Variants in YEATS2 observed in about 807,000 individuals in gnomAD.
The protein encoded by YEATS2 is YEATS domain containing 2.
A neutral mutation model predicts 163.2 loss-of-function variants in YEATS2; 77 were observed. That is an observed-to-expected ratio of 0.47 (90% CI 0.39 to 0.57). The LOEUF (loss-of-function observed/expected upper bound fraction) is 0.57, where lower values mean the gene tolerates loss of function less well. Ranked by LOEUF, YEATS2 falls within the 20% of genes least tolerant of loss-of-function variation. The pLI is 0.00. For synonymous variants in YEATS2, 631 were observed against 645.1 expected (o/e 0.98, Z 0.33); for missense variants, 1,549 against 1,729.8 (o/e 0.90, Z 1.85).
At chr3:183,806,669 A>G in intron 27 of YEATS2, 197 bp from the exon 28 acceptor site, 3 of 596,950 alleles carry the variant, frequency 5.0e-6, no homozygotes, top group Non-Finnish European at 5.9e-6. Flanking sequence ...ATCACACACA[A>G]GATGCCTGTG....
At chr3:183,797,487 A>G (rs1171420984) in intron 21 of YEATS2, among the ~76,000 whole-genome samples, 2 of 151,858 alleles carry the variant, frequency 1.3e-5, no homozygotes, top group African/African-American at 4.8e-5. Context: ...CAAGGTTACA[A>G]TGAGCTATGA....
Position 183,761,531 on chromosome 3 carries a change from A to G in YEATS2, c.1681A>G (p.Met561Val), listed in dbSNP as rs1402054899. Residue 561 changes from methionine to valine, a missense_variant, in exon 14 of 31, where the codon ATG becomes GTG. By Grantham distance (21) the Met-to-Val change is conservative. Transcript: ENST00000305135. Reference sequence around the variant, plus strand: ...GCAGGAGGATTCTTTGTTTGCATCTATGCCACCTCTTTGCCCAATTGGGAG... The same window carrying G: ...GCAGGAGGATTCTTTGTTTGCATCTGTGCCACCTCTTTGCCCAATTGGGAG... The part of the protein sequence containing the change: ...VKQEDSLFAS[M>V]PPLCPIGSHP... The G allele has an allele frequency of 9.3e-6, 15 of 1,614,170 alleles. No individual in the cohort carries two copies. Among genetic ancestry groups the G allele is most frequent in the African/African-American group, 1.3e-5 (1 of 75,066 alleles).
chr3:183,812,552 T>C lies in YEATS2; in HGVS notation c.*1969T>C, dbSNP rs1025496358. 2 of 152,672 alleles carry C rather than the reference T, an allele frequency of 1.3e-5. No individual in the cohort carries two copies. The highest frequency in any genetic ancestry group is 2.9e-5 in the Non-Finnish European group (2 of 68,038). 9.5% of individuals were successfully genotyped at this position (152,672 alleles called of 1,614,324 possible). On this transcript the variant is annotated 3_prime_UTR_variant, in exon 31 of 31. Coordinates refer to ENST00000305135, the MANE Select transcript of YEATS2 (RefSeq NM_018023.5). ...ATTTAGCAGTCTCCACGTGTGTTAA[T>C]GTTTCAAACGTGTATCATAATGTGT...
intron 21 of YEATS2, chr3:183,793,471 G>A (rs1190709139): frequency 1.6e-5 from 15 of 959,088 alleles, no homozygotes; most frequent in Non-Finnish European, 1.8e-5. Context: ...AGAAATAAAA[G>A]GAATTATTAT....
chr3:183,782,399 G>A (rs939204895), intron 19 of YEATS2, among the ~76,000 whole-genome samples: 11 of 151,570 alleles, frequency 7.3e-5, no homozygotes, highest in African/African-American at 2.7e-4. Flanking sequence ...ATGAGCCACC[G>A]CGCCTGGCCA....
chr3:183,701,603 A>G (rs1473698453), intron 1 of YEATS2, among the ~76,000 whole-genome samples: 3 of 151,728 alleles, frequency 2.0e-5, no homozygotes, highest in African/African-American at 7.3e-5. Flanking sequence ...TATGTTGTCC[A>G]GGCCGGTCTT....
chr3:183,769,146 G>A (rs1447708974), intron 15 of YEATS2, among the ~76,000 whole-genome samples: 1 of 152,200 alleles, frequency 6.6e-6, no homozygotes, highest in Non-Finnish European at 1.5e-5. Context: ...GAAAAGTAGG[G>A]AGAAGAGTGT....
Position 183,786,180 on chromosome 3 carries a change from C to A in YEATS2, c.2792C>A (p.Thr931Asn). The A allele has an allele frequency of 6.2e-7, 1 of 1,614,164 alleles. No homozygotes were observed. Among genetic ancestry groups the A allele is most frequent in the Middle Eastern group, 1.6e-4 (1 of 6,062 alleles). Residue 931 changes from threonine to asparagine, a missense_variant, in exon 20 of 31, where the codon ACT (threonine) becomes AAT (asparagine). Coordinates refer to ENST00000305135, the MANE Select transcript of YEATS2 (RefSeq NM_018023.5). ...AAAATATCCGATAGCACCTTGAAGA[C>A]TGTGCCAGCCACCTCACAGCTCTCG... is the stretch of plus-strand genomic sequence containing the variant. Reference protein sequence around the residue: ...LMKISDSTLKTVPATSQLSKP... With the variant: ...LMKISDSTLKNVPATSQLSKP...
chr3:183,796,018 C>T (rs577604912), intron 21 of YEATS2, among the ~76,000 whole-genome samples: 204 of 141,116 alleles, frequency 1.4e-3, no homozygotes, highest in African/African-American at 5.1e-3. Context: ...GTTCCGCTCT[C>T]GTTGCCCAGG....
intron 19 of YEATS2, among the ~76,000 whole-genome samples, chr3:183,782,855 T>C (rs1016211050): frequency 3.9e-5 from 6 of 152,234 alleles, no homozygotes; most frequent in African/African-American, 1.4e-4. Flanking sequence ...GATATTTTTC[T>C]GCAGAACAGC....
chr3:183,727,144 T>C (rs1236948833), intron 6 of YEATS2, among the ~76,000 whole-genome samples: 1 of 152,044 alleles, frequency 6.6e-6, no homozygotes, highest in East Asian at 1.9e-4. Flanking sequence ...AGTAAGTATT[T>C]GATTGATGAA....
intron 21 of YEATS2, 58 bp from the exon 22 acceptor site, chr3:183,797,865 A>C: frequency 2.5e-6 from 4 of 1,607,768 alleles, no homozygotes; most frequent in Non-Finnish European, 3.4e-6. Context: ...ACAGAGGATA[A>C]GAGACTTTCC....
chr3:183,802,517 G>GTATATATATATATATATATATACATATA, intron 25 of YEATS2: 1 of 147,260 alleles, frequency 6.8e-6, no homozygotes, highest in South Asian at 2.2e-4. Context: ...GTGTATACAT[G>GTATATATATATATATATATATACATATA]TATATATATA....
intron 20 of YEATS2, among the ~76,000 whole-genome samples, chr3:183,787,763 C>T (rs888362202): frequency 5.9e-5 from 9 of 151,612 alleles, no homozygotes; most frequent in East Asian, 1.9e-4. Context: ...TTTGGGAGGC[C>T]GAGAAGGGCG....
chr3:183,712,541 A>G (rs1010257987), intron 1 of YEATS2, among the ~76,000 whole-genome samples: 7 of 151,952 alleles, frequency 4.6e-5, no homozygotes, highest in Admixed American at 4.6e-4. Context: ...TTGTTACCTC[A>G]GTAATTCTGC....
At chr3:183,729,303 T>G (rs1233052784) in intron 7 of YEATS2, among the ~76,000 whole-genome samples, 1 of 151,780 alleles carries the variant, frequency 6.6e-6, no homozygotes, top group Non-Finnish European at 1.5e-5. Flanking sequence ...TGTAGTTCAC[T>G]CTCTCAGATT....
At chr3:183,751,045 T>C (rs1290892406) in intron 9 of YEATS2, among the ~76,000 whole-genome samples, 3 of 152,220 alleles carry the variant, frequency 2.0e-5, no homozygotes, top group Non-Finnish European at 4.4e-5. Flanking sequence ...ATGAAGCTTT[T>C]CCCTTACATT....
intron 1 of YEATS2, among the ~76,000 whole-genome samples, chr3:183,698,823 G>A (rs1253639506): frequency 6.6e-6 from 1 of 152,110 alleles, no homozygotes; most frequent in Non-Finnish European, 1.5e-5. Flanking sequence ...TTCTTAATGA[G>A]TAGAGGGTAT....
chr3:183,786,215 A>G lies in YEATS2; in HGVS notation c.2827A>G (p.Thr943Ala). The G allele has an allele frequency of 6.2e-7, 1 of 1,614,130 alleles. No individual in the cohort carries two copies. The highest frequency in any genetic ancestry group is 2.2e-5 in the East Asian group (1 of 44,882). The change falls in exon 20 of 31, where the codon ACC (threonine) becomes GCC (alanine). Residue 943 changes from threonine to alanine, a missense_variant. Transcript: ENST00000305135. ...CACCTCACAGCTCTCGAAGCCTGGA[A>G]CCACAATGCTGAGAGTAGCAGGAGG... ...PATSQLSKPG[T>A]TMLRVAGGVI...
Sources: allele counts gnomAD v4.1 joint callset (sites outside exome capture counted in the v4.1 genomes callset), GRCh38; gene constraint gnomAD v4.1.1; transcripts MANE v1.5; gene names NCBI Gene and HGNC (gene_info 2026-07-23, HGNC 2026-07-21).